Variants in CCDC171 observed in about 807,000 individuals in gnomAD.
CCDC171 encodes coiled-coil domain containing 171.
A neutral mutation model predicts 168.2 loss-of-function variants in CCDC171; 177 were observed. The observed-to-expected ratio is 1.05, with a 90% CI of 0.93 to 1.19. CCDC171 has a LOEUF of 1.19. Ranked by LOEUF, CCDC171 falls within the 50% of genes most tolerant of loss-of-function variation. The pLI, the probability that CCDC171 is intolerant of heterozygous loss-of-function variation, is 0.00. For missense variants in CCDC171, 1,991 were observed against 1,539.0 expected (o/e 1.29, Z -4.91); for synonymous variants, 687 against 540.8 (o/e 1.27, Z -3.75).
At chr9:15,655,113 C>A (rs1052821532) in intron 7 of CCDC171, among the ~76,000 whole-genome samples, 1 of 151,752 alleles carries the variant, frequency 6.6e-6, no homozygotes, top group African/African-American at 2.4e-5. Flanking sequence ...AGCACACCAA[C>A]ATGGCACATG....
At chr9:15,897,275 G>A (rs561225891) in intron 24 of CCDC171, among the ~76,000 whole-genome samples, 3 of 126,088 alleles carry the variant, frequency 2.4e-5, no homozygotes, top group East Asian at 4.1e-4. Flanking sequence ...TATACCAGAA[G>A]TTGTTTTCCT....
chr9:15,567,444 T>G (rs2039840087), intron 2 of CCDC171, among the ~76,000 whole-genome samples: 1 of 152,220 alleles, frequency 6.6e-6, no homozygotes. Flanking sequence ...TCCATATGAA[T>G]TTTAGGATCA....
chr9:15,646,990 C>T (rs1401418804), intron 7 of CCDC171, among the ~76,000 whole-genome samples: 2 of 152,182 alleles, frequency 1.3e-5, no homozygotes, highest in African/African-American at 4.8e-5. Context: ...AAATTGACCA[C>T]ATAGTTGGAA....
intron 8 of CCDC171, among the ~76,000 whole-genome samples, chr9:15,665,463 A>C (rs1231197736): frequency 6.6e-6 from 1 of 152,236 alleles, no homozygotes; most frequent in African/African-American, 2.4e-5. Flanking sequence ...TTCTTGTAAG[A>C]GAGGAAGAAT....
intron 25 of CCDC171, among the ~76,000 whole-genome samples, chr9:15,958,168 A>T (rs895880693): frequency 6.6e-6 from 1 of 152,134 alleles, no homozygotes; most frequent in African/African-American, 2.4e-5. Context: ...AGGCAGGTGT[A>T]TAGAGTACCT....
chr9:15,863,493 T>A (rs1288917409), intron 23 of CCDC171, among the ~76,000 whole-genome samples: 1 of 152,032 alleles, frequency 6.6e-6, no homozygotes, highest in African/African-American at 2.4e-5. Flanking sequence ...GAATTCTTGG[T>A]TGACACATTT....
At chr9:15,581,879 T>C (rs2041150110) in intron 4 of CCDC171, among the ~76,000 whole-genome samples, 2 of 152,038 alleles carry the variant, frequency 1.3e-5, no homozygotes, top group Non-Finnish European at 2.9e-5. Context: ...GGGCAAGGAC[T>C]TCATAACTAA....
intron 4 of CCDC171, 84 bp from the exon 5 acceptor site, chr9:15,591,282 A>G (rs112490514): frequency 1.1e-5 from 8 of 756,004 alleles, no homozygotes; most frequent in Admixed American, 2.9e-5. Context: ...GCTGTAAATG[A>G]TGTCAACTCC....
At chr9:15,647,424 CA>C (rs1195351814) in intron 7 of CCDC171, among the ~76,000 whole-genome samples, 1 of 151,854 alleles carries the variant, frequency 6.6e-6, no homozygotes, top group Non-Finnish European at 1.5e-5. Context: ...GATAGAGACA[CA>C]AAAAACCCTT....
At chr9:15,946,738 G>C (rs1564045850) in intron 25 of CCDC171, among the ~76,000 whole-genome samples, 1 of 152,018 alleles carries the variant, frequency 6.6e-6, no homozygotes, top group East Asian at 2.0e-4. Flanking sequence ...AAAGAACAAA[G>C]CTGGAGGCAT....
At chr9:15,760,644 G>T (rs953087604) in intron 18 of CCDC171, among the ~76,000 whole-genome samples, 1 of 152,074 alleles carries the variant, frequency 6.6e-6, no homozygotes, top group Non-Finnish European at 1.5e-5. Flanking sequence ...TCTTTCTTGT[G>T]CACTGATGTC....
At position 15,777,815 on chromosome 9, in the gene CCDC171, G is replaced by A; in HGVS notation, c.2887G>A (p.Val963Met). 6.2e-7 allele frequency: 1 copy of A among 1,606,858 alleles called. No homozygotes were observed. The highest frequency in any genetic ancestry group is 8.5e-7 in the Non-Finnish European group (1 of 1,177,510). The change falls in exon 19 of 26, where the codon GTG becomes ATG. Residue 963 changes from valine (V) to methionine (M), a missense_variant. Val to Met is a conservative substitution (Grantham distance 21, BLOSUM62 1). Coordinates refer to ENST00000380701, the MANE Select transcript of CCDC171 (RefSeq NM_173550.4). ...LALKYGLRGH[V>M]PITKSTASLQ... ...CCTGAAATATGGTTTGCGTGGCCATGTGCCCATTACGGTATGTATACACTT... is the reference window on the plus strand; with the variant it reads ...CCTGAAATATGGTTTGCGTGGCCATATGCCCATTACGGTATGTATACACTT...
chr9:15,730,361 G>A (rs1228485525), intron 16 of CCDC171, among the ~76,000 whole-genome samples: 2 of 151,574 alleles, frequency 1.3e-5, no homozygotes, highest in African/African-American at 4.8e-5. Context: ...AGAAGTTATG[G>A]GTTAACATAA....
chr9:15,714,171 CT>C (rs2052901002), intron 11 of CCDC171, among the ~76,000 whole-genome samples: 1 of 152,118 alleles, frequency 6.6e-6, no homozygotes, highest in Non-Finnish European at 1.5e-5. Context: ...ATCACCATGC[CT>C]TTATCTTTCA....
At chr9:15,828,371 G>T (rs2060101532) in intron 21 of CCDC171, among the ~76,000 whole-genome samples, 1 of 151,096 alleles carries the variant, frequency 6.6e-6, no homozygotes. Flanking sequence ...GATACGTGAA[G>T]AATTTTATTG....
At chr9:15,595,757 C>A (rs940090740) in intron 6 of CCDC171, among the ~76,000 whole-genome samples, 4 of 152,174 alleles carry the variant, frequency 2.6e-5, no homozygotes, top group East Asian at 1.9e-4. Flanking sequence ...AGTTTACAGT[C>A]CCACCAACAG....
At chr9:15,810,682 G>A (rs910962636) in intron 21 of CCDC171, among the ~76,000 whole-genome samples, 9 of 152,218 alleles carry the variant, frequency 5.9e-5, no homozygotes, top group African/African-American at 1.9e-4. Context: ...CGGCAGTGCC[G>A]GCTGGCTGCT....
chr9:15,692,772 G>A (rs975302278), intron 10 of CCDC171, among the ~76,000 whole-genome samples: 1 of 151,268 alleles, frequency 6.6e-6, no homozygotes, highest in Non-Finnish European at 1.5e-5. Flanking sequence ...CGTGATCCAC[G>A]CGCCTCGGCC....
intron 25 of CCDC171, among the ~76,000 whole-genome samples, chr9:15,941,209 A>G (rs1303134926): frequency 6.6e-6 from 1 of 152,004 alleles, no homozygotes; most frequent in Non-Finnish European, 1.5e-5. Context: ...AACAAACAAA[A>G]TGAGTATTTA....
Sources: gnomAD v4.1 joint callset for allele counts (sites outside exome capture counted in the v4.1 genomes callset) on GRCh38, gnomAD v4.1.1 for gene constraint, MANE v1.5 for transcripts, NCBI Gene and HGNC (gene_info 2026-07-23, HGNC 2026-07-21) for gene names.